Variants in ASCC3 observed in about 807,000 individuals in gnomAD.
The protein encoded by ASCC3 is ASC-1 complex subunit P200.
In ASCC3, 158 loss-of-function variants were observed where a neutral mutation model predicts 256.3. That is an observed-to-expected ratio of 0.62 (90% CI 0.54 to 0.70). ASCC3 has a LOEUF of 0.70. Ranked by LOEUF, ASCC3 falls within the 30% of genes least tolerant of loss-of-function variation. The probability of loss-of-function intolerance (pLI) is 0.00; values close to 1 mark genes in which losing one functional copy is unlikely to be tolerated. For synonymous variants in ASCC3, 948 were observed against 883.4 expected, an observed-to-expected ratio of 1.07 and a Z score of -1.30; for missense variants, 2,259 against 2,626.0, an observed-to-expected ratio of 0.86 and a Z score of 3.05.
intron 30 of ASCC3, among the ~76,000 whole-genome samples, chr6:100,609,097 C>A (rs924220692): frequency 1.3e-5 from 2 of 151,644 alleles, no homozygotes; most frequent in Non-Finnish European, 2.9e-5. Flanking sequence ...TTTTTATTTG[C>A]ACTTTATTTT....
intron 1 of ASCC3, among the ~76,000 whole-genome samples, chr6:100,872,379 T>C (rs1363401664): frequency 6.8e-6 from 1 of 147,966 alleles, no homozygotes; most frequent in African/African-American, 2.5e-5. Flanking sequence ...GATCTAATAT[T>C]AGGATTCGGT....
At position 100,556,024 on chromosome 6, in the gene ASCC3, ATCTT is replaced by A. The variant is rs546103275; in HGVS notation, c.5551-15641_5551-15638del. Reference sequence around the variant, plus strand: ...AACAAACAAATGAAAAAGCCAAATAATCTTTCTAATTACCTTGCTTCTACCTTTA... The same window carrying A: ...AACAAACAAATGAAAAAGCCAAATAATCTAATTACCTTGCTTCTACCTTTA... On this transcript the variant is annotated intron_variant, in intron 36 of 41. Coordinates refer to ENST00000369162, the MANE Select transcript of ASCC3 (RefSeq NM_006828.4). Among the ~76,000 whole-genome samples, 224 of 152,160 alleles carry A rather than the reference ATCTT, an allele frequency of 1.5e-3. 1 individual carries two copies. The highest frequency in any genetic ancestry group is 3.4e-3 in the Middle Eastern group (1 of 294).
rs1489496700 is a variant in ASCC3, at chr6:100,867,921, A to C, written c.77T>G (p.Val26Gly). Residue 26 changes from valine (V) to glycine (G), a missense_variant, in exon 2 of 42, where the codon GTG becomes GGG. Around this residue, in one of 2 missense-constraint regions of ASCC3, gnomAD observed 420 missense variants for 419.3 expected, o/e 1.00. Transcript: ENST00000369162. ...VTKQDNYNEE[V>G]ADLKIKRSKL... is the part of the protein sequence containing the mutation. ...TAACAAATCTACCTTTAAGTCAGCC[A>C]CTTCTTCATTATAATTATCTTGCTT... The C allele has an allele frequency of 2.5e-6, 4 of 1,612,748 alleles. No homozygotes were observed. Among genetic ancestry groups the C allele is most frequent in the Non-Finnish European group, 3.4e-6 (4 of 1,178,984 alleles).
chr6:100,826,073 C>T (rs1427323527), intron 4 of ASCC3, among the ~76,000 whole-genome samples: 3 of 151,868 alleles, frequency 2.0e-5, no homozygotes, highest in Non-Finnish European at 4.4e-5. Flanking sequence ...AAACAAAAGC[C>T]TTTGGTTTTA....
intron 10 of ASCC3, among the ~76,000 whole-genome samples, chr6:100,753,304 G>C: frequency 5.5e-5 from 1 of 18,164 alleles, no homozygotes; most frequent in African/African-American, 8.6e-5. Context: ...ATATTCAATA[G>C]CAAAACAAAA....
At position 100,825,927 on chromosome 6, in the gene ASCC3, A is replaced by G. The variant is rs185816583; in HGVS notation, c.802-20047T>C. Among the ~76,000 whole-genome samples the G allele has an allele frequency of 4.5e-4, 69 of 151,954 alleles. No homozygotes were observed. The East Asian group carries it at 0.011, about 25-fold the overall frequency. ...GATACTTGTGCATTCATAATTGAAC[A>G]TAGTATTTCAAATATAATTTGATCA... On this transcript the variant is annotated intron_variant, in intron 4 of 41. Coordinates refer to ENST00000369162, the MANE Select transcript of ASCC3 (RefSeq NM_006828.4).
intron 13 of ASCC3, among the ~76,000 whole-genome samples, chr6:100,683,213 G>A (rs1237724687): frequency 6.6e-6 from 1 of 152,084 alleles, no homozygotes; most frequent in Non-Finnish European, 1.5e-5. Context: ...CCAGATGGGG[G>A]TTTTATAATG....
chr6:100,784,817 GATAAA>G (rs1782615118), intron 8 of ASCC3, among the ~76,000 whole-genome samples: 1 of 151,774 alleles, frequency 6.6e-6, no homozygotes, highest in Non-Finnish European at 1.5e-5. Context: ...TTTCTGTTTA[GATAAA>G]ATAAACAAAA....
At chr6:100,527,274 CT>C (rs1380295080) in intron 37 of ASCC3, among the ~76,000 whole-genome samples, 3 of 152,156 alleles carry the variant, frequency 2.0e-5, no homozygotes, top group African/African-American at 7.2e-5. Context: ...AAGAAGCTTT[CT>C]GAAGCTTCTT....
At chr6:100,532,335 C>CGTGT (rs3073701) in intron 37 of ASCC3, among the ~76,000 whole-genome samples, 1,265 of 99,766 alleles carry the variant, frequency 0.013, 23 homozygotes, top group African/African-American at 0.035. Context: ...TGCTATCTTG[C>CGTGT]GTGTGTGTGT....
chr6:100,617,381 G>A (rs1391250762), intron 30 of ASCC3, among the ~76,000 whole-genome samples: 3 of 152,050 alleles, frequency 2.0e-5, no homozygotes, highest in African/African-American at 7.2e-5. Flanking sequence ...ATCTGTTAGT[G>A]CTGGTTGGCA....
In ASCC3 at chr6:100,605,677, C is replaced by A. The variant is rs746988445; in HGVS notation, c.5068G>T (p.Ala1690Ser). The A allele has an allele frequency of 4.3e-6, 7 of 1,613,460 alleles. No individual in the cohort carries two copies. The highest frequency in any genetic ancestry group is 1.7e-5 in the Admixed American group (1 of 59,952). Residue 1690 changes from alanine (A) to serine (S), a missense_variant, in exon 33 of 42, where the codon GCT becomes TCT. Physicochemically the swap from Ala to Ser is moderately conservative, Grantham distance 99. This residue lies in a region of ASCC3 where 1,839 missense variants were observed against 2,206.7 expected (regional missense o/e 0.83). Coordinates refer to ENST00000369162, the MANE Select transcript of ASCC3 (RefSeq NM_006828.4). ...ITDVLQMMGR[A>S]GRPQFDDQGK... Reference sequence around the variant, plus strand: ...TGGTCATCGAACTGCGGCCTCCCAGCACGCCCCATCATCTGGAGGACATCT... The same window carrying A: ...TGGTCATCGAACTGCGGCCTCCCAGAACGCCCCATCATCTGGAGGACATCT...
chr6:100,597,375 G>A (rs1229692851), intron 34 of ASCC3, among the ~76,000 whole-genome samples: 1 of 151,966 alleles, frequency 6.6e-6, no homozygotes, highest in East Asian at 1.9e-4. Flanking sequence ...ACAGAATTAA[G>A]AAATAAAAAA....
Position 100,516,191 on chromosome 6 carries a change from T to C in ASCC3, c.6064A>G (p.Lys2022Glu). The change falls in exon 39 of 42, where the codon AAA becomes GAA. Residue 2022 changes from lysine to glutamate, a missense_variant. Lys to Glu is a moderately conservative substitution (Grantham distance 56). Transcript: ENST00000369162. ...AGAGATGGTCTTACCTGTTTCGTTT[T>C]TGCAGCATGTAGCTCACTTTCTACC... ...SMVESELHAAKTKQAWNFLSH... is the reference protein window; with the variant it reads ...SMVESELHAAETKQAWNFLSH... 1.9e-6 allele frequency: 3 copies of C among 1,613,670 alleles called. No homozygotes were observed. The highest frequency in any genetic ancestry group is 2.5e-6 in the Non-Finnish European group (3 of 1,179,676).
chr6:100,671,702 GCA>G (rs1345247689), intron 14 of ASCC3, among the ~76,000 whole-genome samples: 9 of 152,020 alleles, frequency 5.9e-5, no homozygotes, highest in African/African-American at 2.2e-4. Context: ...CCCAGTGAAA[GCA>G]TGCAGAACTT....
intron 36 of ASCC3, among the ~76,000 whole-genome samples, chr6:100,568,036 C>T (rs1238020107): frequency 6.6e-6 from 1 of 152,132 alleles, no homozygotes; most frequent in African/African-American, 2.4e-5. Context: ...CTTTTCCCCA[C>T]ATCCTTGACA....
At chr6:100,847,436 A>G (rs909291100) in intron 4 of ASCC3, among the ~76,000 whole-genome samples, 6 of 152,310 alleles carry the variant, frequency 3.9e-5, no homozygotes, top group African/African-American at 1.2e-4. Flanking sequence ...GTTAGTTGGC[A>G]TAACACCTAT....
chr6:100,686,384 C>T (rs1777567009), intron 13 of ASCC3, among the ~76,000 whole-genome samples: 1 of 152,130 alleles, frequency 6.6e-6, no homozygotes, highest in Non-Finnish European at 1.5e-5. Flanking sequence ...AACCTAGTAG[C>T]CACTATGTTT....
intron 4 of ASCC3, among the ~76,000 whole-genome samples, chr6:100,829,295 A>G (rs1225031664): frequency 6.6e-6 from 1 of 152,080 alleles, no homozygotes; most frequent in East Asian, 1.9e-4. Flanking sequence ...GCGCTCATGG[A>G]GGAGGCTCCG....
Sources: gnomAD v4.1 joint callset for allele counts (sites outside exome capture counted in the v4.1 genomes callset) on GRCh38, gnomAD v4.1.1 for gene constraint, gnomAD v4.1.1 regional missense constraint, MANE v1.5 for transcripts, NCBI Gene and HGNC (gene_info 2026-07-23, HGNC 2026-07-21) for gene names.